SMARCA4: variants seen among roughly 807,000 people sequenced by gnomAD.
The protein encoded by SMARCA4 is SWI/SNF related BAF chromatin remodeling complex subunit ATPase 4.
SMARCA4 carries 31 observed loss-of-function variants against 193.9 expected under a neutral mutation model. The ratio of observed to expected loss-of-function variants is 0.16; its 90% CI spans 0.12 to 0.22. The LOEUF is 0.22. Among genes scored for constraint, SMARCA4 ranks in the 10% least tolerant of loss-of-function variants. SMARCA4 has a pLI of 1.00. For missense variants in SMARCA4, 1,148 were observed against 2,296.0 expected (o/e 0.50, Z 10.22); for synonymous variants, 942 against 933.1 (o/e 1.01, Z -0.17).
intron 8 of SMARCA4, among the ~76,000 whole-genome samples, chr19:10,993,681 T>C (rs1349076599): frequency 6.6e-6 from 1 of 152,118 alleles, no homozygotes; most frequent in Non-Finnish European, 1.5e-5. Context: ...AGTCTCGCTC[T>C]GTCGCCCACG....
chr19:11,060,380 T>A, intron 34 of SMARCA4, 193 bp downstream of exon 34: 1 of 697,400 alleles, frequency 1.4e-6, no homozygotes, highest in Non-Finnish European at 2.5e-6. Flanking sequence ...AAGCCAAGCC[T>A]GTGTGACCCC....
chr19:11,024,589 C>G (rs2090116216), intron 21 of SMARCA4, 151 bp downstream of exon 21: 1 of 696,574 alleles, frequency 1.4e-6, no homozygotes, highest in Non-Finnish European at 2.6e-6. Flanking sequence ...TGGCTGGTGG[C>G]TTGTGTCAGG....
Position 11,033,122 on chromosome 19 carries a change from G to T in SMARCA4, c.3547-168G>T, listed in dbSNP as rs1443232245. 2 of 686,700 alleles carry T rather than the reference G, an allele frequency of 2.9e-6. No individual in the cohort carries two copies. The highest frequency in any genetic ancestry group is 2.7e-5 in the East Asian group (1 of 36,886). The allele number at this position is 686,700 out of a possible 1,614,324, so 42.5% of individuals were successfully genotyped here. A position where few individuals can be genotyped will look rare whatever the true frequency, so the allele number is the denominator to read the frequency against. On this transcript the variant is annotated intron_variant, in intron 25 of 34. Transcript: ENST00000344626. The surrounding 1 kb of genome is among the most constrained non-coding windows in gnomAD (Gnocchi z 9.8). Reference sequence around the variant, plus strand: ...CCCTTCCCCCGAGGGACACATGGCGGCCCAGGCTCCACCAGCTCTGTTTTC... The same window carrying T: ...CCCTTCCCCCGAGGGACACATGGCGTCCCAGGCTCCACCAGCTCTGTTTTC...
chr19:10,994,234 G>T (rs1568439057), intron 8 of SMARCA4, among the ~76,000 whole-genome samples: 1 of 151,304 alleles, frequency 6.6e-6, no homozygotes, highest in South Asian at 2.1e-4. Context: ...GTAGAGATGG[G>T]GTTTCACTAT....
Position 11,041,799 on chromosome 19 carries a change from G to A in SMARCA4, c.4424+239G>A, listed in dbSNP as rs955673972. Among the ~76,000 whole-genome samples the A allele has an allele frequency of 6.6e-6, 1 of 152,196 alleles. No individual in the cohort carries two copies. The highest frequency in any genetic ancestry group is 2.4e-5 in the African/African-American group (1 of 41,454). ...ATGTCACATGTGGTCGAGAGGAGAG[G>A]CAGGGGTGCGGGTCTCGGAGAAGGG... is the stretch of plus-strand genomic sequence containing the variant. On this transcript the variant is annotated intron_variant, in intron 30 of 34. Coordinates refer to ENST00000344626, the MANE Select transcript of SMARCA4 (RefSeq NM_003072.5). This position sits in a 1 kb window ranked among gnomAD's most constrained non-coding sequence, Gnocchi z 5.6.
In SMARCA4 at chr19:11,058,932, C is replaced by G. The variant is rs2147100543; in HGVS notation, c.4635+43C>G. The G allele has an allele frequency of 1.3e-6, 2 of 1,505,160 alleles. No individual in the cohort carries two copies. The highest frequency in any genetic ancestry group is 2.3e-5 in the South Asian group (2 of 88,822). The allele number at this position is 1,505,160 out of a possible 1,614,324, so 93.2% of individuals were successfully genotyped here. A position where few individuals can be genotyped will look rare whatever the true frequency, so the allele number is the denominator to read the frequency against. On this transcript the variant is annotated intron_variant, in intron 32 of 34. Coordinates refer to ENST00000344626, the MANE Select transcript of SMARCA4 (RefSeq NM_003072.5). This position sits in a 1 kb window ranked among gnomAD's most constrained non-coding sequence, Gnocchi z 5.8. ...GGTTGGGGATGGGCCACTCCCACAG[C>G]TGGGCTTTGACCCAACCCGCCCCTC... is the stretch of plus-strand genomic sequence containing the variant.
chr19:10,967,428 A>G (rs1246677782), intron 1 of SMARCA4, among the ~76,000 whole-genome samples: 1 of 152,036 alleles, frequency 6.6e-6, no homozygotes, highest in East Asian at 1.9e-4. Context: ...CTCCTGCCTC[A>G]GCCTCCTGAG....
rs1235098453 is a variant in SMARCA4 at position 11,061,198 on chromosome 19, A to T, written c.4912-586A>T. ...GCAAGACCCTGTCTTTAAAAAAAAA[A>T]AAAAAAATATATATATATATATATA... On this transcript the variant is annotated intron_variant, in intron 34 of 34. Transcript: ENST00000344626. Among the ~76,000 whole-genome samples the T allele has an allele frequency of 1.0e-4, 8 of 76,220 alleles. 1 individual carries two copies. The highest frequency in any genetic ancestry group is 3.4e-4 in the East Asian group (1 of 2,942). The allele number at this position is 76,220 out of a possible 152,430, so 50.0% of individuals were successfully genotyped here.
At chr19:10,962,544 G>A (rs1375252337) in intron 1 of SMARCA4, among the ~76,000 whole-genome samples, 2 of 152,038 alleles carry the variant, frequency 1.3e-5, no homozygotes, top group African/African-American at 4.8e-5. Context: ...AGGGTGTGTA[G>A]GATTGTATTT....
At chr19:10,998,197 A>G (rs1198814976) in intron 11 of SMARCA4, among the ~76,000 whole-genome samples, 5 of 152,116 alleles carry the variant, frequency 3.3e-5, no homozygotes, top group South Asian at 2.1e-4. Context: ...CAGGCCAGCT[A>G]TGTCATCCAG....
intron 19 of SMARCA4, among the ~76,000 whole-genome samples, chr19:11,022,856 C>A (rs2089976966): frequency 2.0e-5 from 3 of 152,218 alleles, no homozygotes; most frequent in African/African-American, 4.8e-5. Flanking sequence ...CACTAAGGGC[C>A]AGGATCTGAT....
intron 34 of SMARCA4, 85 bp from the exon 35 acceptor site, chr19:11,061,699 G>A: frequency 7.5e-7 from 1 of 1,330,450 alleles, no homozygotes; most frequent in South Asian, 1.2e-5. Flanking sequence ...TCTTGAGCAA[G>A]TTTATTTAAA....
intron 14 of SMARCA4, among the ~76,000 whole-genome samples, chr19:11,009,096 A>C (rs1486928081): frequency 8.3e-6 from 1 of 120,106 alleles, no homozygotes. Context: ...ATCTTGGCTC[A>C]CTGCAACCTC....
In SMARCA4 at chr19:11,007,946, G is replaced by A. The variant is rs1555771596; in HGVS notation, c.2046G>A (p.Leu682=). Residue 682 remains leucine (L), a synonymous_variant, in exon 14 of 35, where the codon CTG becomes CTA. Transcript: ENST00000344626. ...CGCAGGCAGCACAGCCTCCCACCCT[G>A]CCCGTGGAGGAGAAGAAGAAGATTC... ...EQPQAAQPPT[L]PVEEKKKIPD... 1.2e-6 allele frequency: 2 copies of A among 1,613,616 alleles called. No homozygotes were observed. Among genetic ancestry groups the A allele is most frequent in the African/African-American group, 2.7e-5 (2 of 74,862 alleles).
intron 11 of SMARCA4, among the ~76,000 whole-genome samples, chr19:11,002,638 A>G (rs1181719159): frequency 2.0e-5 from 3 of 152,082 alleles, no homozygotes; most frequent in African/African-American, 7.2e-5. Flanking sequence ...TGTCTGGACT[A>G]TTTGAAAATT....
intron 19 of SMARCA4, 117 bp downstream of exon 19, chr19:11,022,084 G>A: frequency 2.0e-6 from 3 of 1,478,016 alleles, no homozygotes; most frequent in Non-Finnish European, 2.8e-6. Context: ...CCTGGTGAGA[G>A]TCTGCATCTG....
At chr19:10,970,649 C>G (rs2084595895) in intron 1 of SMARCA4, among the ~76,000 whole-genome samples, 1 of 152,206 alleles carries the variant, frequency 6.6e-6, no homozygotes, top group Non-Finnish European at 1.5e-5. Flanking sequence ...TCAAGCAGTC[C>G]TCCCACTTTG....
intron 30 of SMARCA4, among the ~76,000 whole-genome samples, chr19:11,054,048 T>C (rs954315137): frequency 6.6e-6 from 1 of 152,190 alleles, no homozygotes; most frequent in Non-Finnish European, 1.5e-5. Flanking sequence ...TGTGAAACAG[T>C]GCTTGGCTTC....
At chr19:10,988,066 C>T (rs572234975) in intron 6 of SMARCA4, 142 bp downstream of exon 6, 28 of 759,096 alleles carry the variant, frequency 3.7e-5, no homozygotes, top group Non-Finnish European at 4.6e-5. Flanking sequence ...CCTTCCTCAC[C>T]TCCCTGCTCC....
Sources: gnomAD v4.1 joint callset for allele counts (sites outside exome capture counted in the v4.1 genomes callset) on GRCh38, gnomAD v4.1.1 for gene constraint, Gnocchi (gnomAD v3.1) non-coding constraint, MANE v1.5 for transcripts, NCBI Gene and HGNC (gene_info 2026-07-23, HGNC 2026-07-21) for gene names.